Variants in CCNY observed in about 807,000 individuals in gnomAD.
The protein encoded by CCNY is cyclin-Y.
A neutral mutation model predicts 42.8 loss-of-function variants in CCNY; 19 were observed. That is an observed-to-expected ratio of 0.44 (90% CI 0.31 to 0.65). The LOEUF is 0.65. CCNY is among the 30% of genes least tolerant of loss of function. CCNY has a pLI of 0.07. For synonymous variants in CCNY, 165 were observed against 162.7 expected (o/e 1.01, Z -0.11); for missense variants, 370 against 437.3 (o/e 0.85, Z 1.37).
chr10:35,464,949 T>A (rs1358370357), intron 1 of CCNY, among the ~76,000 whole-genome samples: 1 of 152,232 alleles, frequency 6.6e-6, no homozygotes, highest in Non-Finnish European at 1.5e-5. Context: ...ACCTAGTCAT[T>A]TGCTGGGTAT....
chr10:35,479,643 G>T (rs1839616580), intron 1 of CCNY, among the ~76,000 whole-genome samples: 1 of 149,450 alleles, frequency 6.7e-6, no homozygotes, highest in Non-Finnish European at 1.5e-5. Context: ...AGCATTGGGA[G>T]ATATACCTAA....
intron 1 of CCNY, among the ~76,000 whole-genome samples, chr10:35,373,067 C>G (rs2135178137): frequency 6.6e-6 from 1 of 152,166 alleles, no homozygotes; most frequent in Non-Finnish European, 1.5e-5. Context: ...TTTTAAAATC[C>G]AGGGATAATT....
At chr10:35,381,382 A>G (rs1369420656) in intron 1 of CCNY, among the ~76,000 whole-genome samples, 1 of 152,074 alleles carries the variant, frequency 6.6e-6, no homozygotes, top group African/African-American at 2.4e-5. Flanking sequence ...CAACATGGTG[A>G]AACCCCGTCT....
chr10:35,556,129 C>T (rs1489191364), intron 8 of CCNY, among the ~76,000 whole-genome samples: 2 of 152,206 alleles, frequency 1.3e-5, no homozygotes, highest in African/African-American at 4.8e-5. Context: ...GAGCCACTGG[C>T]TGAACCTTAG....
chr10:35,554,020 T>G (rs1252610605), intron 8 of CCNY, among the ~76,000 whole-genome samples: 1 of 152,224 alleles, frequency 6.6e-6, no homozygotes, highest in African/African-American at 2.4e-5. Flanking sequence ...GCTAAAACTT[T>G]TCTCATACTT....
In CCNY at chr10:35,247,730, G is replaced by A. The variant is rs1565050710; in HGVS notation, c.-216-379G>A. ...TCTCTACTAAAAATACAAAAAATTA[G>A]CTGGGCGTGGTGGTGGGTGCCTGTA... is the stretch of plus-strand genomic sequence containing the variant. On this transcript the variant is annotated intron_variant, in intron 1 of 11. Transcript: ENST00000374706. Among the ~76,000 whole-genome samples, 3 of 151,528 alleles carry A rather than the reference G, an allele frequency of 2.0e-5. No individual in the cohort carries two copies. In the South Asian group the frequency reaches 6.3e-4, roughly 32 times the overall value.
intron 1 of CCNY, among the ~76,000 whole-genome samples, chr10:35,379,316 C>T (rs1213643327): frequency 6.6e-6 from 1 of 152,132 alleles, no homozygotes; most frequent in Non-Finnish European, 1.5e-5. Context: ...ATGGTTTGAA[C>T]TTCCTGCAAG....
chr10:35,403,888 C>T (rs1373101217), intron 1 of CCNY, among the ~76,000 whole-genome samples: 1 of 152,220 alleles, frequency 6.6e-6, no homozygotes, highest in Non-Finnish European at 1.5e-5. Context: ...ATCAGTAAAC[C>T]AAATGTGATC....
intron 1 of CCNY, among the ~76,000 whole-genome samples, chr10:35,419,443 G>T (rs1489423890): frequency 2.0e-5 from 3 of 152,050 alleles, no homozygotes; most frequent in Non-Finnish European, 4.4e-5. Flanking sequence ...AGGCTGACGG[G>T]AGAAAAAGTA....
At chr10:35,380,013 G>A (rs1467640527) in intron 1 of CCNY, among the ~76,000 whole-genome samples, 1 of 152,236 alleles carries the variant, frequency 6.6e-6, no homozygotes, top group African/African-American at 2.4e-5. Flanking sequence ...TCAACAGTTT[G>A]TATGGGAGGA....
At chr10:35,368,493 G>A (rs1402549125) in intron 1 of CCNY, among the ~76,000 whole-genome samples, 1 of 152,164 alleles carries the variant, frequency 6.6e-6, no homozygotes, top group African/African-American at 2.4e-5. Context: ...CATGTATGTG[G>A]TACATGGCGG....
Position 35,436,816 on chromosome 10 carries a change from C to T in CCNY, c.155-46588C>T, listed in dbSNP as rs113475331. On this transcript the variant is annotated intron_variant, in intron 1 of 9. Transcript: ENST00000374704. ...CCTTCTCTGTTGGTGATTTGGTTTACAGGTTCATGATCTATAATATTCAGT... is the reference window on the plus strand; with the variant it reads ...CCTTCTCTGTTGGTGATTTGGTTTATAGGTTCATGATCTATAATATTCAGT... 5.9e-3 allele frequency among the ~76,000 whole-genome samples: 901 copies of T among 152,110 alleles called. 12 individuals are homozygous for T. Among genetic ancestry groups the T allele is most frequent in the African/African-American group, 0.02 (814 of 41,460 alleles).
intron 1 of CCNY, among the ~76,000 whole-genome samples, chr10:35,445,521 G>A (rs558829884): frequency 2.1e-4 from 32 of 152,300 alleles, no homozygotes; most frequent in African/African-American, 7.5e-4. Context: ...GGAATGTGCT[G>A]ATGGATTTGG....
At chr10:35,325,462 G>A (rs1193089441) in intron 3 of CCNY, among the ~76,000 whole-genome samples, 2 of 144,712 alleles carry the variant, frequency 1.4e-5, no homozygotes, top group Admixed American at 1.4e-4. Context: ...GCAGGTGTGA[G>A]CCACCAAGCA....
At chr10:35,325,808 G>C (rs977356533) in intron 3 of CCNY, among the ~76,000 whole-genome samples, 5 of 152,118 alleles carry the variant, frequency 3.3e-5, no homozygotes, top group African/African-American at 1.2e-4. Flanking sequence ...GTCAGGCCTG[G>C]TGGTTCATGC....
intron 3 of CCNY, among the ~76,000 whole-genome samples, chr10:35,295,405 A>G (rs1835460199): frequency 6.6e-6 from 1 of 151,464 alleles, no homozygotes; most frequent in African/African-American, 2.4e-5. Flanking sequence ...CTAATTTTGT[A>G]TTTTTTAGCA....
At chr10:35,503,296 A>T (rs758819670) in intron 3 of CCNY, among the ~76,000 whole-genome samples, 4 of 152,194 alleles carry the variant, frequency 2.6e-5, no homozygotes, top group African/African-American at 4.8e-5. Flanking sequence ...GAGTGAAATC[A>T]CACAGTTGTT....
chr10:35,408,464 A>G (rs1837831892), intron 1 of CCNY, among the ~76,000 whole-genome samples: 2 of 149,420 alleles, frequency 1.3e-5, no homozygotes, highest in South Asian at 4.3e-4. Flanking sequence ...GTTAAGAGCA[A>G]TGTTTTGGGG....
At chr10:35,534,997 ATATG>A (rs761251131) in intron 7 of CCNY, among the ~76,000 whole-genome samples, 143 of 47,916 alleles carry the variant, frequency 3.0e-3, no homozygotes, top group East Asian at 0.023. Context: ...AGATCTATAT[ATATG>A]TGTGTGTGTG....
Sources: allele counts gnomAD v4.1 joint callset (sites outside exome capture counted in the v4.1 genomes callset), GRCh38; gene constraint gnomAD v4.1.1; transcripts MANE v1.5; gene names NCBI Gene and HGNC (gene_info 2026-07-23, HGNC 2026-07-21).